The following RNF38 variants were observed in gnomAD, a reference collection of about 807,000 sequenced individuals.
The protein encoded by RNF38 is ring finger protein 38.
RNF38 carries 15 observed loss-of-function variants against 67.2 expected under a neutral mutation model. That is an observed-to-expected ratio of 0.22 (90% CI 0.15 to 0.34). The LOEUF (loss-of-function observed/expected upper bound fraction) is 0.34. RNF38 is among the 10% of genes least tolerant of loss of function. The pLI, the probability that RNF38 is intolerant of heterozygous loss-of-function variation, is 1.00. For synonymous variants in RNF38, 220 were observed against 218.8 expected (o/e 1.01, Z -0.05); for missense variants, 524 against 639.9 (o/e 0.82, Z 1.95).
intron 3 of RNF38, among the ~76,000 whole-genome samples, chr9:36,374,962 C>A (rs945413534): frequency 2.0e-5 from 3 of 152,144 alleles, no homozygotes; most frequent in African/African-American, 7.2e-5. Context: ...GTCTGCAACA[C>A]CTTCCTAACT....
chr9:36,388,169 A>G (rs1202824695), intron 2 of RNF38, among the ~76,000 whole-genome samples: 1 of 152,172 alleles, frequency 6.6e-6, no homozygotes, highest in Non-Finnish European at 1.5e-5. Flanking sequence ...TACGTGAGGC[A>G]CAAGTATGGG....
intron 2 of RNF38, among the ~76,000 whole-genome samples, chr9:36,416,573 A>G (rs1034938000): frequency 6.6e-6 from 1 of 151,856 alleles, no homozygotes; most frequent in Non-Finnish European, 1.5e-5. Context: ...GAAAATTTGC[A>G]CTCAGTCAAA....
chr9:36,424,320 G>T (rs2134242058), intron 2 of RNF38, among the ~76,000 whole-genome samples: 1 of 152,310 alleles, frequency 6.6e-6, no homozygotes, highest in Non-Finnish European at 1.5e-5. Context: ...CGTATATTAA[G>T]ATAATCCATT....
chr9:36,474,444 C>T (rs956335450), intron 1 of RNF38, among the ~76,000 whole-genome samples: 6 of 148,856 alleles, frequency 4.0e-5, no homozygotes, highest in Admixed American at 3.4e-4. Context: ...TGCTTATATT[C>T]AGTCTTTTGT....
chr9:36,477,134 CAAGATGGTGA>C (rs1840138990), intron 1 of RNF38, among the ~76,000 whole-genome samples: 1 of 150,806 alleles, frequency 6.6e-6, no homozygotes, highest in Admixed American at 6.6e-5. Context: ...CCAGCCTGGT[CAAGATGGTGA>C]AACCCCATCT....
intron 3 of RNF38, 110 bp from the exon 4 acceptor site, chr9:36,370,042 A>C (rs1835260088): frequency 1.2e-6 from 1 of 844,026 alleles, no homozygotes; most frequent in African/African-American, 1.7e-5. Context: ...AAGCTTCATT[A>C]TTAAATAACT....
intron 2 of RNF38, among the ~76,000 whole-genome samples, chr9:36,389,829 T>C (rs907665076): frequency 6.6e-6 from 1 of 152,188 alleles, no homozygotes; most frequent in Admixed American, 6.5e-5. Flanking sequence ...AACCTAACTT[T>C]TGTGGTAACA....
At chr9:36,409,448 G>A (rs1198145369) in intron 2 of RNF38, among the ~76,000 whole-genome samples, 1 of 152,092 alleles carries the variant, frequency 6.6e-6, no homozygotes, top group Non-Finnish European at 1.5e-5. Context: ...AACAGACATG[G>A]GAATCACAGT....
intron 2 of RNF38, among the ~76,000 whole-genome samples, chr9:36,379,138 G>A (rs1488327344): frequency 6.6e-6 from 1 of 152,186 alleles, no homozygotes; most frequent in South Asian, 2.1e-4. Flanking sequence ...GACCTCAGGT[G>A]ATCCGACCGC....
At chr9:36,452,577 A>C (rs2134341724) in intron 1 of RNF38, among the ~76,000 whole-genome samples, 1 of 149,208 alleles carries the variant, frequency 6.7e-6, no homozygotes, top group Admixed American at 6.8e-5. Context: ...TCTGTTGCCC[A>C]GGCTGCAGTG....
chr9:36,363,420 G>C (rs868477669), intron 4 of RNF38, among the ~76,000 whole-genome samples: 1 of 100,378 alleles, frequency 1.0e-5, no homozygotes, highest in South Asian at 3.4e-4. Flanking sequence ...GTTTCCAAAA[G>C]ATCATGCTAC....
Position 36,356,417 on chromosome 9 carries a change from G to C in RNF38, c.795C>G (p.Pro265=). ...TAAGAAATGGATCACTAGAAATAAGGGGTGGGAATGCAGCATATGGTACTG... is the reference window on the plus strand; with the variant it reads ...TAAGAAATGGATCACTAGAAATAAGCGGTGGGAATGCAGCATATGGTACTG... The part of the protein sequence containing the change: ...HLPVPYAAFP[P]LISSDPFLIH... Residue 265 remains proline (P), a synonymous_variant, in exon 6 of 12, where the codon CCC becomes CCG. Coordinates refer to ENST00000259605, the MANE Select transcript of RNF38 (RefSeq NM_022781.5). 6 of 1,613,846 alleles carry C rather than the reference G, an allele frequency of 3.7e-6. No homozygotes were observed. Among genetic ancestry groups the C allele is most frequent in the Non-Finnish European group, 2.5e-6 (3 of 1,179,872 alleles).
upstream of RNF38, among the ~76,000 whole-genome samples, chr9:36,405,915 G>A (rs1246915581): frequency 6.6e-6 from 1 of 152,178 alleles, no homozygotes; most frequent in East Asian, 1.9e-4. Flanking sequence ...TAAATATACA[G>A]TTTATTTTTG....
At chr9:36,477,821 C>CAAAAAAAAA (rs34504795) in intron 1 of RNF38, among the ~76,000 whole-genome samples, 1 of 110,416 alleles carries the variant, frequency 9.1e-6, no homozygotes, top group South Asian at 3.3e-4. Context: ...GACTCTGTCT[C>CAAAAAAAAA]AAAAAAAAAA....
At chr9:36,486,105 C>A (rs567811544) in intron 1 of RNF38, among the ~76,000 whole-genome samples, 1 of 152,228 alleles carries the variant, frequency 6.6e-6, no homozygotes, top group African/African-American at 2.4e-5. Flanking sequence ...GCAACCCTTT[C>A]ATCTCCCTTC....
intron 1 of RNF38, among the ~76,000 whole-genome samples, chr9:36,391,908 C>T (rs1587594222): frequency 1.3e-5 from 2 of 152,260 alleles, no homozygotes; most frequent in East Asian, 1.9e-4. Context: ...CCACTGCGCC[C>T]GGCCCGTTTC....
Position 36,432,198 on chromosome 9 carries a change from G to A in RNF38, n.242-7515C>T, listed in dbSNP as rs796872512. Among the ~76,000 whole-genome samples, 10 of 151,744 alleles carry A rather than the reference G, an allele frequency of 6.6e-5. No homozygotes were observed. In the South Asian group the frequency reaches 1.9e-3, roughly 28 times the overall value. ...TGCACAGGCTGGAGTGCAATGGCAC[G>A]ATCTCGTCTTACTGCAACCTCTGCC... On this transcript the variant is annotated intron_variant and non_coding_transcript_variant, in intron 1 of 3. Transcript: ENST00000488058.
intron 1 of RNF38, among the ~76,000 whole-genome samples, chr9:36,485,304 G>GTATATATATATA (rs1156313770): frequency 2.0e-5 from 3 of 150,276 alleles, no homozygotes; most frequent in African/African-American, 7.6e-5. Flanking sequence ...ATCTCTTAGG[G>GTATATATATATA]TATATATACA....
At chr9:36,424,734 A>C (rs1319084393) in intron 1 of RNF38, 1 of 766,438 alleles carries the variant, frequency 1.3e-6, no homozygotes, top group East Asian at 1.3e-4. Flanking sequence ...CTTACATTTA[A>C]ACTGCTTTAC....
Sources: allele counts gnomAD v4.1 joint callset (sites outside exome capture counted in the v4.1 genomes callset), GRCh38; gene constraint gnomAD v4.1.1; transcripts MANE v1.5; gene names NCBI Gene and HGNC (gene_info 2026-07-23, HGNC 2026-07-21).